Variants in PRELID2 observed in about 807,000 individuals in gnomAD.
PRELID2 encodes PRELI domain-containing protein 2.
In PRELID2, 25 loss-of-function variants were observed where a neutral mutation model predicts 28.4. The observed-to-expected ratio is 0.88, with a 90% CI of 0.64 to 1.23. PRELID2 has a LOEUF of 1.23. Among genes scored for constraint, PRELID2 ranks in the 50% most tolerant of loss-of-function variants. PRELID2 has a pLI of 0.00. For synonymous variants in PRELID2, 76 were observed against 71.6 expected (o/e 1.06, Z -0.31); for missense variants, 201 against 214.4 (o/e 0.94, Z 0.39).
the PRELID2 span, among the ~76,000 whole-genome samples, chr5:145,443,565 G>A: frequency 2.0e-5 from 3 of 152,072 alleles, no homozygotes; most frequent in African/African-American, 7.2e-5. Flanking sequence ...GAAGCCTAGG[G>A]TCCTTTGCTA....
rs957345336 is a variant in PRELID2, at chr5:145,643,106, C to A, written n.70+121825G>T. Among the ~76,000 whole-genome samples, 3 of 152,218 alleles carry A rather than the reference C, an allele frequency of 2.0e-5. 1 individual carries two copies. The East Asian group carries it at 5.8e-4, about 29-fold the overall frequency. On this transcript the variant is annotated intron_variant and non_coding_transcript_variant, in intron 1 of 2. Transcript: ENST00000510259. ...CATTGAACCTATAAATTACTTTGGG[C>A]AGTATGGCCATTTTCATAATGTTGA...
intron 2 of PRELID2, among the ~76,000 whole-genome samples, chr5:145,820,361 G>C (rs1401573243): frequency 6.6e-6 from 1 of 152,126 alleles, no homozygotes; most frequent in Non-Finnish European, 1.5e-5. Flanking sequence ...GAAGGAATAA[G>C]GGTACAACAG....
chr5:145,447,904 C>T, the PRELID2 span, among the ~76,000 whole-genome samples: 1 of 150,988 alleles, frequency 6.6e-6, no homozygotes, highest in African/African-American at 2.4e-5. Context: ...CAAGTCTTTG[C>T]TATTGTGAAT....
At chr5:145,313,729 C>T in the PRELID2 span, among the ~76,000 whole-genome samples, 36 of 152,290 alleles carry the variant, frequency 2.4e-4, no homozygotes, top group Non-Finnish European at 4.6e-4. Flanking sequence ...TCTCTTCTTT[C>T]TTTCCCATCC....
chr5:145,530,876 C>T (rs143581487), intron 1 of PRELID2, among the ~76,000 whole-genome samples: 6 of 151,976 alleles, frequency 3.9e-5, no homozygotes, highest in East Asian at 3.9e-4. Context: ...GTAAGTAGGC[C>T]GCTAATACTC....
At chr5:145,474,370 C>G (rs537847668) in intron 1 of PRELID2, among the ~76,000 whole-genome samples, 1 of 152,288 alleles carries the variant, frequency 6.6e-6, no homozygotes, top group East Asian at 1.9e-4. Flanking sequence ...GAGAACTCTC[C>G]CAGGCACTGA....
At chr5:145,712,631 C>A (rs776330063) in intron 1 of PRELID2, among the ~76,000 whole-genome samples, 2 of 151,988 alleles carry the variant, frequency 1.3e-5, no homozygotes, top group Admixed American at 6.6e-5. Context: ...ATCCAGCATA[C>A]AATTTTAAAA....
chr5:145,404,319 T>A, the PRELID2 span, among the ~76,000 whole-genome samples: 1 of 152,236 alleles, frequency 6.6e-6, no homozygotes, highest in Non-Finnish European at 1.5e-5. Context: ...GCTGCAGAGC[T>A]GTCCTTCAAA....
At chr5:145,450,165 C>A in the PRELID2 span, among the ~76,000 whole-genome samples, 4 of 152,250 alleles carry the variant, frequency 2.6e-5, no homozygotes, top group South Asian at 8.3e-4. Flanking sequence ...AAAGTCATGT[C>A]TTTGTGGATC....
At chr5:145,603,835 A>G (rs550343055) in intron 1 of PRELID2, among the ~76,000 whole-genome samples, 4 of 152,204 alleles carry the variant, frequency 2.6e-5, no homozygotes, top group African/African-American at 4.8e-5. Context: ...AGTGAAGAAT[A>G]CAAGTTATAA....
chr5:145,359,726 G>C, the PRELID2 span, among the ~76,000 whole-genome samples: 2 of 152,240 alleles, frequency 1.3e-5, no homozygotes, highest in Non-Finnish European at 2.9e-5. Flanking sequence ...ACTATTATCA[G>C]AGGTTATTAC....
the PRELID2 span, among the ~76,000 whole-genome samples, chr5:145,365,536 A>T: frequency 3.3e-5 from 5 of 152,036 alleles, no homozygotes; most frequent in African/African-American, 1.2e-4. Context: ...GGAAAATTTA[A>T]CCTAATTTTG....
At chr5:145,279,473 G>A in the PRELID2 span, among the ~76,000 whole-genome samples, 162 of 152,172 alleles carry the variant, frequency 1.1e-3, no homozygotes, top group African/African-American at 3.7e-3. Context: ...CTTCAGTTTC[G>A]TCACCTGTAA....
chr5:145,229,824 T>G, the PRELID2 span: 1 of 759,884 alleles, frequency 1.3e-6, no homozygotes, highest in Non-Finnish European at 2.4e-6. Context: ...TGTCCGCCCC[T>G]GCATCGCCAA....
At chr5:145,819,841 G>T in intron 3 of PRELID2, 104 bp downstream of exon 3, 1 of 791,444 alleles carries the variant, frequency 1.3e-6, no homozygotes, top group Non-Finnish European at 2.2e-6. Flanking sequence ...AAAAGGAGTA[G>T]GAAGTTTCTA....
chr5:145,678,216 TCC>T (rs1754859647), intron 1 of PRELID2, among the ~76,000 whole-genome samples: 1 of 152,190 alleles, frequency 6.6e-6, no homozygotes, highest in African/African-American at 2.4e-5. Flanking sequence ...TGCTTAGGCA[TCC>T]TCGTGAAAGT....
At chr5:145,654,482 T>C (rs923331887) in intron 1 of PRELID2, among the ~76,000 whole-genome samples, 3 of 152,116 alleles carry the variant, frequency 2.0e-5, no homozygotes, top group South Asian at 2.1e-4. Flanking sequence ...TGATGAACAT[T>C]GATGCAAAAA....
chr5:145,727,433 T>C (rs1415095217), intron 1 of PRELID2, among the ~76,000 whole-genome samples: 2 of 152,202 alleles, frequency 1.3e-5, no homozygotes, highest in Non-Finnish European at 2.9e-5. Flanking sequence ...AAGACTCTTT[T>C]ACATTATGTC....
At chr5:145,643,241 A>C (rs1312307767) in intron 1 of PRELID2, among the ~76,000 whole-genome samples, 4 of 152,158 alleles carry the variant, frequency 2.6e-5, no homozygotes, top group Non-Finnish European at 5.9e-5. Context: ...TATCCCTTGT[A>C]AATTGGATTC....
Sources: allele counts gnomAD v4.1 joint callset (sites outside exome capture counted in the v4.1 genomes callset), GRCh38; gene constraint gnomAD v4.1.1; transcripts MANE v1.5; gene names NCBI Gene and HGNC (gene_info 2026-07-23, HGNC 2026-07-21).